DLGAP2: variants seen among roughly 807,000 people sequenced by gnomAD.
DLGAP2 encodes the protein disks large-associated protein 2.
A neutral mutation model predicts 100.3 loss-of-function variants in DLGAP2; 26 were observed. The ratio of observed to expected loss-of-function variants is 0.26; its 90% CI spans 0.19 to 0.36. The LOEUF (loss-of-function observed/expected upper bound fraction) is 0.36, where lower values mean the gene tolerates loss of function less well. Ranked by LOEUF, DLGAP2 falls within the 10% of genes least tolerant of loss-of-function variation. The pLI, the probability that DLGAP2 is intolerant of heterozygous loss-of-function variation, is 1.00. For synonymous variants in DLGAP2, 886 were observed against 630.1 expected, an observed-to-expected ratio of 1.41 and a Z score of -6.08; for missense variants, 1,858 against 1,453.2, an observed-to-expected ratio of 1.28 and a Z score of -4.53.
chr8:1,315,270 C>T (rs1470050956), intron 3 of DLGAP2, among the ~76,000 whole-genome samples: 4 of 151,548 alleles, frequency 2.6e-5, no homozygotes, highest in African/African-American at 9.7e-5. Context: ...AGAAACTCGG[C>T]AGCGTTTAAA....
chr8:807,907 G>C (rs1365739242), intron 1 of DLGAP2, among the ~76,000 whole-genome samples: 1 of 152,244 alleles, frequency 6.6e-6, no homozygotes. Flanking sequence ...ATAAAGGGGA[G>C]AAGGTTGGCG....
At chr8:785,607 C>T (rs1309535911) in intron 1 of DLGAP2, among the ~76,000 whole-genome samples, 6 of 117,500 alleles carry the variant, frequency 5.1e-5, no homozygotes, top group African/African-American at 2.0e-4. Context: ...CCCTCCTCCC[C>T]TCAGACCCCT....
In DLGAP2 at chr8:1,325,313, A is replaced by G. The variant is rs916594647; in HGVS notation, c.106+66430A>G. Among the ~76,000 whole-genome samples, 7 of 152,284 alleles carry G rather than the reference A, an allele frequency of 4.6e-5. No individual in the cohort carries two copies. In the East Asian group the frequency reaches 1.2e-3, roughly 25 times the overall value. ...CCTGGACCAAGGAAGTTCCCAAACAACTTAGCATCTTAGAGTTAAAGCTGC... is the reference window on the plus strand; with the variant it reads ...CCTGGACCAAGGAAGTTCCCAAACAGCTTAGCATCTTAGAGTTAAAGCTGC... On this transcript the variant is annotated intron_variant, in intron 3 of 14. Coordinates refer to ENST00000637795, the MANE Select transcript of DLGAP2 (RefSeq NM_001346810.2).
chr8:1,598,330 T>C (rs1420263126), intron 6 of DLGAP2, among the ~76,000 whole-genome samples: 1 of 152,194 alleles, frequency 6.6e-6, no homozygotes, highest in Non-Finnish European at 1.5e-5. Flanking sequence ...GTTTTCTGTT[T>C]TTGTTGTGTC....
At chr8:1,281,888 A>G (rs73670707) in intron 3 of DLGAP2, among the ~76,000 whole-genome samples, 12 of 152,344 alleles carry the variant, frequency 7.9e-5, no homozygotes, top group Admixed American at 2.0e-4. Context: ...GAGACGTTCA[A>G]ACCACAGCCA....
intron 3 of DLGAP2, chr8:1,381,080 T>C (rs955353582): frequency 6.6e-6 from 1 of 151,904 alleles, no homozygotes; most frequent in Non-Finnish European, 1.5e-5. Context: ...AAGAGGCCAA[T>C]TAAAAATAAA....
At chr8:1,217,139 T>C (rs1256416325) in intron 2 of DLGAP2, among the ~76,000 whole-genome samples, 1 of 152,176 alleles carries the variant, frequency 6.6e-6, no homozygotes, top group African/African-American at 2.4e-5. Flanking sequence ...GACCCCAGTA[T>C]CTGTTGCTCC....
intron 1 of DLGAP2, among the ~76,000 whole-genome samples, chr8:879,092 A>G (rs1244657600): frequency 6.6e-6 from 1 of 152,142 alleles, no homozygotes; most frequent in African/African-American, 2.4e-5. Context: ...TATGTTCTTT[A>G]TTTTTATTTT....
At chr8:971,360 G>A (rs1439672265) in intron 2 of DLGAP2, among the ~76,000 whole-genome samples, 2 of 152,158 alleles carry the variant, frequency 1.3e-5, no homozygotes, top group Admixed American at 6.5e-5. Context: ...TGCTGAACTC[G>A]CTGAAAATTG....
At chr8:1,682,898 G>GT (rs564996073) in intron 12 of DLGAP2, among the ~76,000 whole-genome samples, 1 of 151,536 alleles carries the variant, frequency 6.6e-6, no homozygotes, top group Non-Finnish European at 1.5e-5. Context: ...CTAAACATAT[G>GT]TTTGGTTTCG....
intron 2 of DLGAP2, among the ~76,000 whole-genome samples, chr8:1,201,594 G>A (rs1459681466): frequency 6.6e-6 from 1 of 152,336 alleles, no homozygotes; most frequent in South Asian, 2.1e-4. Context: ...CACCGGCACG[G>A]CAGGGGTAGA....
In DLGAP2 at chr8:799,111, G is replaced by A. The variant is rs189398263; in HGVS notation, c.18+61286G>A. 1.5e-4 allele frequency among the ~76,000 whole-genome samples: 23 copies of A among 152,290 alleles called. No homozygotes were observed. In the East Asian group the frequency reaches 4.3e-3, roughly 28 times the overall value. On this transcript the variant is annotated intron_variant, in intron 1 of 14. Transcript: ENST00000637795. The stretch of plus-strand genomic sequence containing the variant: ...CACCCCACATGCTCACACCAGCTGT[G>A]ACTTCTTTTGGATGAAGCCAGTTTT...
intron 2 of DLGAP2, among the ~76,000 whole-genome samples, chr8:946,236 T>TG (rs1215543406): frequency 6.6e-6 from 1 of 151,844 alleles, no homozygotes; most frequent in African/African-American, 2.4e-5. Context: ...CTGAGTAACT[T>TG]GGTGCTTCTG....
At position 1,361,738 on chromosome 8, in the gene DLGAP2, C is replaced by T. The variant is rs138338136; in HGVS notation, c.106+102855C>T. ...CGGTAACTGAGCTATGAGGAAGCTGCGAGTGAGTCGGAAATTTGTACAAAA... is the reference window on the plus strand; with the variant it reads ...CGGTAACTGAGCTATGAGGAAGCTGTGAGTGAGTCGGAAATTTGTACAAAA... On this transcript the variant is annotated intron_variant, in intron 3 of 14. Transcript: ENST00000637795. Among the ~76,000 whole-genome samples, 749 of 152,334 alleles carry T rather than the reference C, an allele frequency of 4.9e-3. 2 individuals carry two copies. The highest frequency in any genetic ancestry group is 7.3e-3 in the Non-Finnish European group (500 of 68,038).
intron 2 of DLGAP2, among the ~76,000 whole-genome samples, chr8:1,185,829 A>C (rs1797491595): frequency 6.6e-6 from 1 of 152,050 alleles, no homozygotes; most frequent in African/African-American, 2.4e-5. Flanking sequence ...CTTTAAACAC[A>C]AACACACATT....
At chr8:1,153,234 C>T (rs1466561320) in intron 2 of DLGAP2, among the ~76,000 whole-genome samples, 1 of 152,134 alleles carries the variant, frequency 6.6e-6, no homozygotes, top group East Asian at 1.9e-4. Flanking sequence ...AGAGAATCAT[C>T]AGTCTCGATC....
chr8:1,205,673 C>G (rs537960187), intron 2 of DLGAP2, among the ~76,000 whole-genome samples: 33 of 152,246 alleles, frequency 2.2e-4, no homozygotes, highest in Non-Finnish European at 4.3e-4. Flanking sequence ...GAAGGCTGGA[C>G]AGGTAGAGGT....
chr8:1,149,207 GCA>G (rs551809632), intron 2 of DLGAP2, among the ~76,000 whole-genome samples: 11 of 152,058 alleles, frequency 7.2e-5, no homozygotes, highest in Admixed American at 6.6e-4. Flanking sequence ...GTGCAGTGGC[GCA>G]ATGTCGGCTC....
At chr8:1,606,329 G>A (rs563567045) in intron 6 of DLGAP2, among the ~76,000 whole-genome samples, 1 of 152,170 alleles carries the variant, frequency 6.6e-6, no homozygotes, top group Admixed American at 6.5e-5. Context: ...TTTATTTATG[G>A]ACTTGCGCGA....
Sources: gnomAD v4.1 joint callset for allele counts (sites outside exome capture counted in the v4.1 genomes callset) on GRCh38, gnomAD v4.1.1 for gene constraint, MANE v1.5 for transcripts, NCBI Gene and HGNC (gene_info 2026-07-23, HGNC 2026-07-21) for gene names.